Variants in LEPR observed in about 807,000 individuals in gnomAD.
The protein encoded by LEPR is OB receptor.
In LEPR, 56 loss-of-function variants were observed where a neutral mutation model predicts 114.7. The ratio of observed to expected loss-of-function variants is 0.49; its 90% CI spans 0.39 to 0.61. The LOEUF is 0.61. Ranked by LOEUF, LEPR falls within the 20% of genes least tolerant of loss-of-function variation. The pLI is 0.00. For missense variants in LEPR, 1,202 were observed against 1,352.9 expected (o/e 0.89, Z 1.75); for synonymous variants, 443 against 461.4 (o/e 0.96, Z 0.51).
chr1:65,422,452 T>C (rs1364076157), intron 1 of LEPR, among the ~76,000 whole-genome samples: 1 of 152,220 alleles, frequency 6.6e-6, no homozygotes, highest in Non-Finnish European at 1.5e-5. Flanking sequence ...AAGTCCAGCC[T>C]CCAGAACTGT....
In LEPR at chr1:65,636,901, C is replaced by T. The variant is rs1309731231; in HGVS notation, c.3384C>T (p.Ile1128=). ...DSCSHFVENN[I]NLGTSSKKTF... is the part of the protein sequence containing the mutation. ...GCTCACACTTTGTAGAAAATAATATCAACTTAGGAACTTCTAGTAAGAAGA... is the reference window on the plus strand; with the variant it reads ...GCTCACACTTTGTAGAAAATAATATTAACTTAGGAACTTCTAGTAAGAAGA... Residue 1128 remains isoleucine, a synonymous_variant, in exon 20 of 20, where the codon ATC becomes ATT. Transcript: ENST00000349533. The T allele has an allele frequency of 6.2e-7, 1 of 1,605,848 alleles. No individual in the cohort carries two copies. Among genetic ancestry groups the T allele is most frequent in the Admixed American group, 1.7e-5 (1 of 58,240 alleles).
chr1:65,566,247 G>C (rs1653751027), intron 3 of LEPR, among the ~76,000 whole-genome samples: 1 of 135,704 alleles, frequency 7.4e-6, no homozygotes, highest in African/African-American at 2.8e-5. Context: ...TCTGCCGCCA[G>C]ACTGGAGTGC....
At chr1:65,529,280 G>A (rs1019241419) in intron 2 of LEPR, among the ~76,000 whole-genome samples, 5 of 151,854 alleles carry the variant, frequency 3.3e-5, no homozygotes, top group Non-Finnish European at 4.4e-5. Flanking sequence ...TAGCATTTTC[G>A]GAGGCTGAGA....
At chr1:65,584,429 A>G (rs983804339) in intron 5 of LEPR, among the ~76,000 whole-genome samples, 3 of 152,058 alleles carry the variant, frequency 2.0e-5, no homozygotes, top group Admixed American at 6.6e-5. Context: ...CTGTATGTAC[A>G]TGTATTAAAG....
At chr1:65,634,211 T>C in intron 19 of LEPR, 11 of 963,524 alleles carry the variant, frequency 1.1e-5, no homozygotes, top group Non-Finnish European at 1.4e-5. Context: ...AAATTTATTA[T>C]ATATGCGTAT....
intron 2 of LEPR, among the ~76,000 whole-genome samples, chr1:65,495,465 G>A (rs941768123): frequency 1.3e-5 from 2 of 152,108 alleles, no homozygotes; most frequent in African/African-American, 4.8e-5. Context: ...TTAAATTAGT[G>A]CAGCCATTAT....
chr1:65,567,469 G>T (rs1291931079), intron 3 of LEPR, among the ~76,000 whole-genome samples: 1 of 152,170 alleles, frequency 6.6e-6, no homozygotes, highest in African/African-American at 2.4e-5. Context: ...GAAGTCCAAA[G>T]GAACATAATT....
chr1:65,550,273 C>T (rs1226100155), intron 2 of LEPR, among the ~76,000 whole-genome samples: 1 of 152,176 alleles, frequency 6.6e-6, no homozygotes, highest in Non-Finnish European at 1.5e-5. Context: ...GGTCAGGGAC[C>T]CACTTGAGGA....
chr1:65,579,672 C>T (rs572851076), intron 5 of LEPR, among the ~76,000 whole-genome samples: 112 of 152,314 alleles, frequency 7.4e-4, no homozygotes, highest in Non-Finnish European at 1.3e-3. Flanking sequence ...CTACTCTAGA[C>T]AATTTCTGAT....
chr1:65,510,595 AT>A (rs1025014011), intron 2 of LEPR, among the ~76,000 whole-genome samples: 52 of 152,242 alleles, frequency 3.4e-4, no homozygotes, highest in African/African-American at 1.2e-3. Context: ...ACCCTCATCT[AT>A]TCATTGGCAT....
chr1:65,449,920 T>C (rs996792170), intron 2 of LEPR, among the ~76,000 whole-genome samples: 2 of 152,156 alleles, frequency 1.3e-5, no homozygotes, highest in Non-Finnish European at 2.9e-5. Flanking sequence ...AGCACTGTTT[T>C]TACTGTATCC....
At chr1:65,517,394 G>C (rs1453820929) in intron 2 of LEPR, among the ~76,000 whole-genome samples, 1 of 152,194 alleles carries the variant, frequency 6.6e-6, no homozygotes, top group Non-Finnish European at 1.5e-5. Context: ...TCCTGTTTCA[G>C]ATTTGCCAGT....
intron 1 of LEPR, 96 bp downstream of exon 1, chr1:65,420,836 A>G: frequency 7.0e-7 from 1 of 1,435,406 alleles, no homozygotes; most frequent in Non-Finnish European, 9.5e-7. Context: ...CCGTTGGGGA[A>G]CGGCCTCACC....
Position 65,637,324 on chromosome 1 carries a change from G to T in LEPR, c.*309G>T, listed in dbSNP as rs1237153069. The T allele has an allele frequency of 3.8e-6, 1 of 260,078 alleles. No individual in the cohort carries two copies. Among genetic ancestry groups the T allele is most frequent in the South Asian group, 6.3e-5 (1 of 15,774 alleles). The allele number at this position is 260,078 out of a possible 1,614,324, so 16.1% of individuals were successfully genotyped here. On this transcript the variant is annotated 3_prime_UTR_variant, in exon 20 of 20. Coordinates refer to ENST00000349533, the MANE Select transcript of LEPR (RefSeq NM_002303.6). Reference sequence around the variant, plus strand: ...TGAGATGTAATTGTTTTTTCAGAGGGCGTGTTGTTTTACCTCAAGTTTTTG... The same window carrying T: ...TGAGATGTAATTGTTTTTTCAGAGGTCGTGTTGTTTTACCTCAAGTTTTTG...
At chr1:65,481,294 A>G (rs932319047) in intron 2 of LEPR, among the ~76,000 whole-genome samples, 2 of 152,242 alleles carry the variant, frequency 1.3e-5, no homozygotes, top group Non-Finnish European at 2.9e-5. Flanking sequence ...TTAAGACTTT[A>G]TATGAATTTT....
At chr1:65,472,923 C>A (rs573188127) in intron 2 of LEPR, among the ~76,000 whole-genome samples, 1 of 152,170 alleles carries the variant, frequency 6.6e-6, no homozygotes, top group Non-Finnish European at 1.5e-5. Context: ...GCATCTAATT[C>A]AAAAACTCAT....
rs557378922 is a variant in LEPR at position 65,637,802 on chromosome 1, T to A, written c.*787T>A. The A allele has an allele frequency of 6.6e-6, 1 of 152,286 alleles. No homozygotes were observed. The highest frequency in any genetic ancestry group is 1.5e-5 in the Non-Finnish European group (1 of 68,096). 9.4% of individuals were successfully genotyped at this position (152,286 alleles called of 1,614,324 possible). On this transcript the variant is annotated 3_prime_UTR_variant, in exon 20 of 20. Coordinates refer to ENST00000349533, the MANE Select transcript of LEPR (RefSeq NM_002303.6). ...TTTTTTCCCCTCACTGAGCATTCTG[T>A]CTACATAAACCAACCACTGTGCAGT... is the stretch of plus-strand genomic sequence containing the variant.
At chr1:65,550,456 T>C (rs889681970) in intron 2 of LEPR, among the ~76,000 whole-genome samples, 1 of 152,220 alleles carries the variant, frequency 6.6e-6, no homozygotes, top group African/African-American at 2.4e-5. Context: ...CCTTGAGCTG[T>C]GGTGGGCTCC....
At chr1:65,564,178 C>T in intron 2 of LEPR, among the ~76,000 whole-genome samples, 1 of 150,372 alleles carries the variant, frequency 6.7e-6, no homozygotes, top group Non-Finnish European at 1.5e-5. Flanking sequence ...AGTTTGATCT[C>T]AGACTGCTGT....
Sources: gnomAD v4.1 joint callset for allele counts (sites outside exome capture counted in the v4.1 genomes callset) on GRCh38, gnomAD v4.1.1 for gene constraint, MANE v1.5 for transcripts, NCBI Gene and HGNC (gene_info 2026-07-23, HGNC 2026-07-21) for gene names.